Variants in KIAA1217 observed in about 807,000 individuals in gnomAD.
KIAA1217 encodes the protein sickle tail protein homolog.
Under a neutral mutation model 163.9 loss-of-function variants are expected in KIAA1217, and 88 were observed. That is an observed-to-expected ratio of 0.54 (90% CI 0.45 to 0.64). The LOEUF is 0.64. Ranked by LOEUF, KIAA1217 falls within the 30% of genes least tolerant of loss-of-function variation. The pLI, the probability that KIAA1217 is intolerant of heterozygous loss-of-function variation, is 0.00. For synonymous variants in KIAA1217, 903 were observed against 923.1 expected (o/e 0.98, Z 0.39); for missense variants, 2,372 against 2,475.0 (o/e 0.96, Z 0.88).
chr10:24,212,760 T>C (rs111809220), intron 1 of KIAA1217, among the ~76,000 whole-genome samples: 3 of 152,288 alleles, frequency 2.0e-5, no homozygotes, highest in African/African-American at 7.2e-5. Flanking sequence ...TGTATCTGTT[T>C]TACCCAATGA....
intron 3 of KIAA1217, among the ~76,000 whole-genome samples, chr10:24,402,369 C>T (rs545087983): frequency 2.0e-5 from 3 of 151,794 alleles, no homozygotes; most frequent in East Asian, 1.9e-4. Flanking sequence ...ATTAGCCGGG[C>T]GTATTGGTGG....
At chr10:24,336,760 G>A (rs1275981004) in intron 2 of KIAA1217, among the ~76,000 whole-genome samples, 1 of 152,134 alleles carries the variant, frequency 6.6e-6, no homozygotes, top group African/African-American at 2.4e-5. Context: ...TTTTTAAAAA[G>A]TTAATACTCA....
intron 2 of KIAA1217, among the ~76,000 whole-genome samples, chr10:24,083,135 T>A (rs2061590188): frequency 6.6e-6 from 1 of 152,198 alleles, no homozygotes; most frequent in South Asian, 2.1e-4. Flanking sequence ...TAATTTTTCA[T>A]CTTATATGAA....
intron 1 of KIAA1217, among the ~76,000 whole-genome samples, chr10:23,950,527 G>A (rs983535740): frequency 1.4e-4 from 22 of 152,066 alleles, no homozygotes; most frequent in African/African-American, 5.1e-4. Context: ...ACGAAAATTG[G>A]GCCGGGCCTG....
chr10:23,986,399 T>C (rs1845971700), intron 1 of KIAA1217, among the ~76,000 whole-genome samples: 1 of 152,210 alleles, frequency 6.6e-6, no homozygotes, highest in African/African-American at 2.4e-5. Flanking sequence ...AATCCACAGA[T>C]GCTCAAGTCT....
intron 1 of KIAA1217, among the ~76,000 whole-genome samples, chr10:23,946,852 T>G (rs1844072116): frequency 6.6e-6 from 1 of 152,226 alleles, no homozygotes; most frequent in South Asian, 2.1e-4. Flanking sequence ...GGTTTTGCTG[T>G]GTCCCCACCC....
intron 1 of KIAA1217, among the ~76,000 whole-genome samples, chr10:23,984,387 G>T (rs2131420305): frequency 6.6e-6 from 1 of 152,250 alleles, no homozygotes; most frequent in Non-Finnish European, 1.5e-5. Flanking sequence ...TATCTCAAAA[G>T]CTTTGATTTT....
At chr10:24,486,155 T>C (rs2065366823) in intron 6 of KIAA1217, among the ~76,000 whole-genome samples, 2 of 152,130 alleles carry the variant, frequency 1.3e-5, no homozygotes, top group African/African-American at 4.8e-5. Flanking sequence ...GCTGCAGTGG[T>C]CTCCCAAGAG....
At chr10:24,470,478 G>A (rs779023023) in intron 5 of KIAA1217, among the ~76,000 whole-genome samples, 2 of 152,120 alleles carry the variant, frequency 1.3e-5, no homozygotes, top group East Asian at 1.9e-4. Context: ...GCCTGACCTC[G>A]AACCTTCATA....
At chr10:24,495,647 A>G (rs2066694711) in intron 8 of KIAA1217, among the ~76,000 whole-genome samples, 1 of 152,236 alleles carries the variant, frequency 6.6e-6, no homozygotes, top group Admixed American at 6.5e-5. Flanking sequence ...AGGGGGAAGA[A>G]GGGTTGTCCA....
intron 1 of KIAA1217, among the ~76,000 whole-genome samples, chr10:23,872,403 A>G (rs1243960614): frequency 2.6e-5 from 4 of 152,048 alleles, no homozygotes; most frequent in African/African-American, 9.7e-5. Flanking sequence ...TAGAAAGAAA[A>G]CAAACTAACA....
At chr10:24,343,983 T>C (rs951003603) in intron 2 of KIAA1217, among the ~76,000 whole-genome samples, 5 of 152,238 alleles carry the variant, frequency 3.3e-5, no homozygotes, top group East Asian at 3.8e-4. Flanking sequence ...TGAGTGACTA[T>C]ATTTTTAGTT....
intron 2 of KIAA1217, among the ~76,000 whole-genome samples, chr10:24,295,167 T>C (rs2040440116): frequency 1.3e-5 from 2 of 152,218 alleles, no homozygotes; most frequent in Non-Finnish European, 1.5e-5. Context: ...CACTATTTGT[T>C]AATAGAGAAC....
intron 1 of KIAA1217, among the ~76,000 whole-genome samples, chr10:23,971,010 A>G (rs1278790816): frequency 6.6e-6 from 1 of 152,192 alleles, no homozygotes; most frequent in African/African-American, 2.4e-5. Context: ...CACTTGGAAG[A>G]GGGCCAAGCG....
chr10:24,109,480 T>C (rs2062761132), intron 2 of KIAA1217, among the ~76,000 whole-genome samples: 1 of 152,126 alleles, frequency 6.6e-6, no homozygotes, highest in Non-Finnish European at 1.5e-5. Context: ...CTATCTTCTG[T>C]CAATAATTCT....
At chr10:24,357,602 G>A (rs1036779367) in intron 2 of KIAA1217, among the ~76,000 whole-genome samples, 8 of 152,164 alleles carry the variant, frequency 5.3e-5, no homozygotes, top group African/African-American at 1.9e-4. Context: ...AATAATGAGA[G>A]GGAAATAGAA....
At chr10:24,018,032 G>T (rs1030584583) in intron 2 of KIAA1217, among the ~76,000 whole-genome samples, 2 of 151,952 alleles carry the variant, frequency 1.3e-5, no homozygotes, top group Non-Finnish European at 2.9e-5. Flanking sequence ...AGTAAGATCC[G>T]AGTTTAAAGT....
intron 3 of KIAA1217, among the ~76,000 whole-genome samples, chr10:24,416,434 T>C (rs2058256902): frequency 6.6e-6 from 1 of 152,246 alleles, no homozygotes. Flanking sequence ...GTTCTGTTCC[T>C]GGCTTTGATG....
chr10:24,116,623 A>G (rs1274455661), intron 2 of KIAA1217, among the ~76,000 whole-genome samples: 1 of 152,164 alleles, frequency 6.6e-6, no homozygotes, highest in East Asian at 1.9e-4. Context: ...CTGATGTAGA[A>G]CAGCCTTCTA....
Sources: allele counts gnomAD v4.1 joint callset (sites outside exome capture counted in the v4.1 genomes callset), GRCh38; gene constraint gnomAD v4.1.1; transcripts MANE v1.5; gene names NCBI Gene and HGNC (gene_info 2026-07-23, HGNC 2026-07-21).